ZNF248: variants seen among roughly 807,000 people sequenced by gnomAD.
ZNF248 encodes the protein zinc finger protein 248.
A neutral mutation model predicts 44.3 loss-of-function variants in ZNF248; 20 were observed. The ratio of observed to expected loss-of-function variants is 0.45; its 90% CI spans 0.32 to 0.66. The LOEUF is 0.66. Ranked by LOEUF, ZNF248 falls within the 30% of genes least tolerant of loss-of-function variation. The pLI, the probability that ZNF248 is intolerant of heterozygous loss-of-function variation, is 0.04. For synonymous variants in ZNF248, 224 were observed against 229.0 expected (o/e 0.98, Z 0.20); for missense variants, 654 against 677.0 (o/e 0.97, Z 0.38).
At chr10:37,853,937 A>G (rs2060793521) in intron 3 of ZNF248, among the ~76,000 whole-genome samples, 1 of 152,204 alleles carries the variant, frequency 6.6e-6, no homozygotes, top group Admixed American at 6.5e-5. Context: ...ATTTCAGTAA[A>G]TACGAAAGCC....
Position 37,828,941 on chromosome 10 carries a change from G to C in ZNF248, c.*2674C>G. ...AAAGGGAGTTTACTTATGCTAACAG[G>C]AAAGCAGAACAAACAGAAACACTTA... On this transcript the variant is annotated 3_prime_UTR_variant, in exon 6 of 6. Coordinates refer to ENST00000395867, the MANE Select transcript of ZNF248 (RefSeq NM_021045.3). 2.0e-6 allele frequency: 2 copies of C among 985,410 alleles called. No homozygotes were observed. Among genetic ancestry groups the C allele is most frequent in the Non-Finnish European group, 2.4e-6 (2 of 829,920 alleles). The allele number at this position is 985,410 out of a possible 1,614,324, so 61.0% of individuals were successfully genotyped here.
chr10:37,808,970 G>A (rs917526126), intron 6 of ZNF248, among the ~76,000 whole-genome samples: 13 of 151,794 alleles, frequency 8.6e-5, no homozygotes, highest in African/African-American at 3.1e-4. Context: ...CAATGATATT[G>A]TGTTCCTAGA....
intron 6 of ZNF248, chr10:37,818,944 T>C (rs1427343222): frequency 2.2e-5 from 24 of 1,100,690 alleles, no homozygotes; most frequent in East Asian, 1.7e-4. Flanking sequence ...AACAATTTTA[T>C]TTGAGATCTT....
At chr10:37,819,184 C>T (rs2053061505) in intron 6 of ZNF248, 4 of 795,676 alleles carry the variant, frequency 5.0e-6, no homozygotes, top group Non-Finnish European at 6.8e-6. Flanking sequence ...TATTTAAGTA[C>T]TTTAAAGCAT....
At chr10:37,770,970 C>G in the ZNF248 span, among the ~76,000 whole-genome samples, 1 of 152,112 alleles carries the variant, frequency 6.6e-6, no homozygotes, top group Admixed American at 6.5e-5. Context: ...AGGATATGAA[C>G]AAACACTTTT....
At position 37,844,731 on chromosome 10, in the gene ZNF248, A is replaced by T. The variant is rs576127581; in HGVS notation, c.16-6620T>A. On this transcript the variant is annotated intron_variant, in intron 3 of 5. Coordinates refer to ENST00000395867, the MANE Select transcript of ZNF248 (RefSeq NM_021045.3). Reference sequence around the variant, plus strand: ...GTAAACACCAACAAAATATCTTAAAAAATACAGGAAAGGAAATGGGAAGTA... The same window carrying T: ...GTAAACACCAACAAAATATCTTAAATAATACAGGAAAGGAAATGGGAAGTA... Among the ~76,000 whole-genome samples the T allele has an allele frequency of 8.3e-4, 126 of 152,318 alleles. 1 individual carries two copies. Among genetic ancestry groups the T allele is most frequent in the Middle Eastern group, 3.4e-3 (1 of 294 alleles).
At chr10:37,838,754 A>G (rs889083527) in intron 3 of ZNF248, among the ~76,000 whole-genome samples, 2 of 152,188 alleles carry the variant, frequency 1.3e-5, no homozygotes, top group African/African-American at 4.8e-5. Flanking sequence ...AAAAAAAGAA[A>G]AAAAAAGCAA....
At chr10:37,841,380 C>A (rs2058317042) in intron 3 of ZNF248, among the ~76,000 whole-genome samples, 1 of 151,752 alleles carries the variant, frequency 6.6e-6, no homozygotes, top group Non-Finnish European at 1.5e-5. Flanking sequence ...AACTCTACTT[C>A]CTTTGGAGTA....
intron 3 of ZNF248, among the ~76,000 whole-genome samples, chr10:37,842,049 CT>C (rs1000438539): frequency 6.6e-6 from 1 of 152,112 alleles, no homozygotes; most frequent in Non-Finnish European, 1.5e-5. Flanking sequence ...GTGGTCATCA[CT>C]TAATAATATA....
Position 37,832,829 on chromosome 10 carries a change from G to A in ZNF248, c.526C>T (p.Leu176Phe). The A allele has an allele frequency of 6.2e-7, 1 of 1,613,824 alleles. No individual in the cohort carries two copies. Among genetic ancestry groups the A allele is most frequent in the Non-Finnish European group, 8.5e-7 (1 of 1,179,854 alleles). The change falls in exon 6 of 6, where the codon CTT becomes TTT. Residue 176 changes from leucine (L) to phenylalanine (F), a missense_variant. Coordinates refer to ENST00000395867, the MANE Select transcript of ZNF248 (RefSeq NM_021045.3). ...DEFNVCEKLL[L>F]DIRHEKIPIG... ...GGGATTTTCTCATGCCTAATATCAA[G>A]GAGCAATTTCTCACATACATTAAAC...
chr10:37,791,369 A>G (rs1316235863), intron 6 of ZNF248, among the ~76,000 whole-genome samples: 2 of 152,030 alleles, frequency 1.3e-5, no homozygotes, highest in African/African-American at 4.8e-5. Flanking sequence ...CAATATGTTA[A>G]TGGTCATTTA....
chr10:37,820,032 C>T, intron 6 of ZNF248: 2 of 802,708 alleles, frequency 2.5e-6, no homozygotes, highest in South Asian at 2.7e-5. Context: ...TCTATGAGGA[C>T]TTTCTTGCTC....
the ZNF248 span, among the ~76,000 whole-genome samples, chr10:37,763,168 G>A: frequency 1.3e-5 from 2 of 152,184 alleles, no homozygotes; most frequent in Non-Finnish European, 2.9e-5. Flanking sequence ...GGGGTCGGGG[G>A]CACCATGCCT....
rs866756041 is a variant in ZNF248 at position 37,852,443 on chromosome 10, T to C, written c.15+3853A>G. ...GAAAGGACAGAAACAGATTAGTAGG[T>C]TGCCGATTAATTTAGGGAGGAGTAG... On this transcript the variant is annotated intron_variant, in intron 3 of 5. Transcript: ENST00000395867. Among the ~76,000 whole-genome samples the C allele has an allele frequency of 2.0e-5, 3 of 152,070 alleles. No individual in the cohort carries two copies. The South Asian group carries it at 6.2e-4, about 32-fold the overall frequency.
chr10:37,838,699 A>G (rs2057731305), intron 3 of ZNF248, among the ~76,000 whole-genome samples: 1 of 152,040 alleles, frequency 6.6e-6, no homozygotes, highest in South Asian at 2.1e-4. Flanking sequence ...AATATTTGGT[A>G]TCTAGTAAAA....
intron 6 of ZNF248, among the ~76,000 whole-genome samples, chr10:37,809,694 T>C (rs1011518639): frequency 2.6e-5 from 4 of 152,190 alleles, no homozygotes; most frequent in African/African-American, 9.7e-5. Flanking sequence ...AGCACAACTT[T>C]TGCTGCATCC....
intron 6 of ZNF248, among the ~76,000 whole-genome samples, chr10:37,821,328 A>C (rs1022033653): frequency 6.6e-6 from 1 of 152,208 alleles, no homozygotes; most frequent in Non-Finnish European, 1.5e-5. Context: ...TTAGAGAGGA[A>C]GAAACTGAGG....
chr10:37,793,550 T>C (rs1169141960), intron 6 of ZNF248, among the ~76,000 whole-genome samples: 1 of 152,122 alleles, frequency 6.6e-6, no homozygotes, highest in Non-Finnish European at 1.5e-5. Context: ...TTGAAAGATA[T>C]TAAGGCAAAG....
Position 37,832,100 on chromosome 10 carries a change from G to C in ZNF248, c.1255C>G (p.Gln419Glu). The stretch of plus-strand genomic sequence containing the variant: ...TGATGGTTGGTCAGGTGTGGTTTCT[G>C]GCAAAAGGCTTTCCCACATTCAGTA... ...ECTECGKAFC[Q>E]KPHLTNHQRT... Residue 419 changes from glutamine to glutamate, a missense_variant, in exon 6 of 6, where the codon CAG becomes GAG. Coordinates refer to ENST00000395867, the MANE Select transcript of ZNF248 (RefSeq NM_021045.3). 1 of 1,613,646 alleles carries C rather than the reference G, an allele frequency of 6.2e-7. No individual in the cohort carries two copies.
Sources: gnomAD v4.1 joint callset for allele counts (sites outside exome capture counted in the v4.1 genomes callset) on GRCh38, gnomAD v4.1.1 for gene constraint, MANE v1.5 for transcripts, NCBI Gene and HGNC (gene_info 2026-07-23, HGNC 2026-07-21) for gene names.